DPYD: variants seen among roughly 807,000 people sequenced by gnomAD.
DPYD encodes the protein dihydropyrimidine dehydrogenase.
A neutral mutation model predicts 116.2 loss-of-function variants in DPYD; 109 were observed. That is an observed-to-expected ratio of 0.94 (90% CI 0.80 to 1.10). The LOEUF is 1.10. Among genes scored for constraint, DPYD ranks in the 50% least tolerant of loss-of-function variants. DPYD has a pLI of 0.00. For missense variants in DPYD, 1,302 were observed against 1,254.5 expected (o/e 1.04, Z -0.57); for synonymous variants, 440 against 432.0 (o/e 1.02, Z -0.23).
At chr1:97,735,194 G>C (rs536039301) in intron 4 of DPYD, among the ~76,000 whole-genome samples, 3 of 151,888 alleles carry the variant, frequency 2.0e-5, no homozygotes, top group Non-Finnish European at 4.4e-5. Context: ...AGTTCTCAGA[G>C]AATTTCCTCC....
At chr1:97,513,393 C>T (rs958467617) in intron 13 of DPYD, among the ~76,000 whole-genome samples, 3 of 151,628 alleles carry the variant, frequency 2.0e-5, no homozygotes, top group Non-Finnish European at 2.9e-5. Context: ...TAATTTTCAC[C>T]GAACTCCCTT....
At chr1:97,184,470 G>C (rs1376873094) in intron 20 of DPYD, among the ~76,000 whole-genome samples, 2 of 152,074 alleles carry the variant, frequency 1.3e-5, no homozygotes, top group African/African-American at 4.8e-5. Flanking sequence ...TGATTGGTGA[G>C]AGATGGTATT....
chr1:97,612,736 C>T (rs2100751347), intron 8 of DPYD, among the ~76,000 whole-genome samples: 1 of 151,896 alleles, frequency 6.6e-6, no homozygotes, highest in East Asian at 1.9e-4. Flanking sequence ...AAATGTCTTC[C>T]AAAACCTCAG....
chr1:97,790,018 T>C (rs1365632989), intron 3 of DPYD, among the ~76,000 whole-genome samples: 1 of 152,120 alleles, frequency 6.6e-6, no homozygotes, highest in Non-Finnish European at 1.5e-5. Context: ...AAAGCATCAC[T>C]TGAGGTATTT....
intron 3 of DPYD, among the ~76,000 whole-genome samples, chr1:97,815,950 A>T (rs906217357): frequency 6.6e-6 from 1 of 152,188 alleles, no homozygotes; most frequent in Non-Finnish European, 1.5e-5. Context: ...AAGCCATTGA[A>T]ATTAGGGTTT....
chr1:97,279,115 T>C (rs1334658453), intron 18 of DPYD, among the ~76,000 whole-genome samples: 1 of 152,064 alleles, frequency 6.6e-6, no homozygotes, highest in Non-Finnish European at 1.5e-5. Flanking sequence ...GTCACCCAGG[T>C]AGTGAGCATA....
intron 18 of DPYD, among the ~76,000 whole-genome samples, chr1:97,240,052 T>C (rs1166482288): frequency 6.6e-6 from 1 of 152,014 alleles, no homozygotes; most frequent in Non-Finnish European, 1.5e-5. Context: ...AATTTTTAAA[T>C]TGGAGACAAA....
intron 18 of DPYD, among the ~76,000 whole-genome samples, chr1:97,272,313 G>A (rs1305262845): frequency 6.6e-6 from 1 of 152,104 alleles, no homozygotes; most frequent in African/African-American, 2.4e-5. Context: ...CTCTTTATTT[G>A]CACAGCAATT....
chr1:97,646,872 T>C (rs1658293226), intron 8 of DPYD, among the ~76,000 whole-genome samples: 2 of 152,084 alleles, frequency 1.3e-5, no homozygotes, highest in African/African-American at 4.8e-5. Context: ...TTGAGTAGTT[T>C]CACCTACTCT....
chr1:97,568,482 A>C (rs1163317910), intron 11 of DPYD, among the ~76,000 whole-genome samples: 2 of 152,086 alleles, frequency 1.3e-5, no homozygotes, highest in Non-Finnish European at 2.9e-5. Flanking sequence ...AAGAACAGGT[A>C]GACTAAGTAA....
At chr1:97,212,422 T>C (rs1660095561) in intron 19 of DPYD, among the ~76,000 whole-genome samples, 2 of 152,128 alleles carry the variant, frequency 1.3e-5, no homozygotes, top group African/African-American at 4.8e-5. Flanking sequence ...CTGAATAATA[T>C]CTCATTGTAT....
intron 12 of DPYD, among the ~76,000 whole-genome samples, chr1:97,535,628 G>C (rs1333896622): frequency 1.3e-5 from 2 of 152,016 alleles, no homozygotes; most frequent in Non-Finnish European, 2.9e-5. Flanking sequence ...TTACTTTTCA[G>C]GTCAAACACT....
At chr1:97,850,688 A>C (rs570945140) in intron 2 of DPYD, among the ~76,000 whole-genome samples, 2 of 152,196 alleles carry the variant, frequency 1.3e-5, no homozygotes, top group Admixed American at 1.3e-4. Flanking sequence ...TCACAGTAAA[A>C]ATAAAACTAC....
intron 2 of DPYD, among the ~76,000 whole-genome samples, chr1:97,862,581 ATTTC>A (rs1671172661): frequency 1.3e-5 from 2 of 151,184 alleles, no homozygotes. Context: ...CTATTTGTTT[ATTTC>A]TTTATTGTTC....
intron 20 of DPYD, among the ~76,000 whole-genome samples, chr1:97,162,808 A>G (rs61786266): frequency 1.3e-5 from 2 of 151,886 alleles, no homozygotes; most frequent in Admixed American, 6.6e-5. Flanking sequence ...ACAGAACAGA[A>G]CCCTCAGAAA....
chr1:97,305,207 A>G, intron 18 of DPYD, 52 bp downstream of exon 18: 1 of 1,610,672 alleles, frequency 6.2e-7, no homozygotes, highest in South Asian at 1.1e-5. Flanking sequence ...TGACCTTCTG[A>G]TTTTTCAGCA....
At chr1:97,597,304 TC>T (rs1168562290) in intron 8 of DPYD, among the ~76,000 whole-genome samples, 23 of 152,152 alleles carry the variant, frequency 1.5e-4, no homozygotes, top group African/African-American at 5.3e-4. Flanking sequence ...GGGTGACAGG[TC>T]ATCCCTTCTG....
chr1:97,579,797 G>A (rs960615566), intron 10 of DPYD, among the ~76,000 whole-genome samples: 17 of 152,156 alleles, frequency 1.1e-4, no homozygotes, highest in African/African-American at 4.1e-4. Context: ...CACCAATAAA[G>A]TAGTAAGCAG....
intron 14 of DPYD, among the ~76,000 whole-genome samples, chr1:97,409,185 T>C (rs1673838576): frequency 6.6e-6 from 1 of 152,182 alleles, no homozygotes. Context: ...TTTGTAAAGA[T>C]TATTAAACAT....
Sources: gnomAD v4.1 joint callset for allele counts (sites outside exome capture counted in the v4.1 genomes callset) on GRCh38, gnomAD v4.1.1 for gene constraint, MANE v1.5 for transcripts, NCBI Gene and HGNC (gene_info 2026-07-23, HGNC 2026-07-21) for gene names.